Variants in GBF1 observed in about 807,000 individuals in gnomAD.
GBF1 encodes the protein Golgi-specific brefeldin A-resistance guanine nucleotide exchange factor 1.
GBF1 carries 114 observed loss-of-function variants against 210.5 expected under a neutral mutation model. The observed-to-expected ratio is 0.54, with a 90% confidence interval of 0.47 to 0.63. The LOEUF is 0.63. Ranked by LOEUF, GBF1 falls within the 30% of genes least tolerant of loss-of-function variation. The pLI is 0.00. For missense variants in GBF1, 1,851 were observed against 2,357.7 expected (o/e 0.79, Z 4.45); for synonymous variants, 850 against 889.2 (o/e 0.96, Z 0.78).
intron 3 of GBF1, among the ~76,000 whole-genome samples, chr10:102,261,277 T>C (rs77413186): frequency 0.054 from 8,159 of 150,656 alleles, 681 homozygotes; most frequent in African/African-American, 0.18. Flanking sequence ...TGTATATATA[T>C]ACACACACAC....
intron 3 of GBF1, among the ~76,000 whole-genome samples, chr10:102,294,521 ACAGG>A (rs2133728936): frequency 6.6e-6 from 1 of 151,840 alleles, no homozygotes; most frequent in South Asian, 2.1e-4. Flanking sequence ...AGATGGGACT[ACAGG>A]CGCCTGTCAC....
rs973861799 is a variant in GBF1, at chr10:102,319,261, A to G, written c.164-24790A>G. 5.9e-5 allele frequency among the ~76,000 whole-genome samples: 9 copies of G among 152,288 alleles called. No individual in the cohort carries two copies. The East Asian group carries it at 1.5e-3, about 26-fold the overall frequency. On this transcript the variant is annotated intron_variant, in intron 3 of 39. Coordinates refer to ENST00000369983, the MANE Select transcript of GBF1 (RefSeq NM_001377137.1). ...CATGAACCCGGGAGGCGGAGCTTGC[A>G]GTGAGCCGAGATCGCGCCACTGCAC...
In GBF1 at chr10:102,351,370, T is replaced by C. The variant is rs2058961084; in HGVS notation, c.410T>C (p.Leu137Pro). Reference protein sequence around the residue: ...ASDEVVLMKILQVLRTLLLTP... With the variant: ...ASDEVVLMKIPQVLRTLLLTP... ...GATGAAGTTGTCCTGATGAAAATCC[T>C]TCAGGTAAGCGAGAGGGAAATAGCA... Residue 137 changes from leucine (L) to proline (P), a missense_variant, in exon 5 of 40, where the codon CTT becomes CCT. By Grantham distance (98) the Leu-to-Pro change is moderately conservative (BLOSUM62 -3). This residue lies in a region of GBF1 where 804 missense variants were observed against 958.6 expected (regional missense o/e 0.84). Coordinates refer to ENST00000369983, the MANE Select transcript of GBF1 (RefSeq NM_001377137.1). The C allele has an allele frequency of 6.5e-7, 1 of 1,539,374 alleles. No homozygotes were observed. Among genetic ancestry groups the C allele is most frequent in the East Asian group, 2.2e-5 (1 of 44,554 alleles).
the GBF1 span, chr10:102,231,640 C>G: frequency 1.2e-5 from 20 of 1,612,332 alleles, no homozygotes; most frequent in African/African-American, 1.6e-4. Context: ...CTCGCGCGTG[C>G]TCATGTCGGG....
intron 3 of GBF1, among the ~76,000 whole-genome samples, chr10:102,274,699 A>ATTTTT (rs1174743189): frequency 0.019 from 1,328 of 71,686 alleles, 143 homozygotes; most frequent in African/African-American, 0.041. Context: ...CAAAACAAAG[A>ATTTTT]TTTTTTTTTT....
rs1031967717 is a variant in GBF1, at chr10:102,381,242, G to A, written c.5289G>A (p.Glu1763=). ...GHPPPPEIPS[E]LGACDFEKPE... ...CACCGCCCCCAGAGATTCCATCTGA[G>A]CTGGGGGCCTGTGGTGAGTCTCTCT... Residue 1763 remains glutamate (E), a synonymous_variant, in exon 39 of 40, where the codon GAG becomes GAA. Transcript: ENST00000369983. The A allele has an allele frequency of 6.2e-7, 1 of 1,613,736 alleles. No individual in the cohort carries two copies. Among genetic ancestry groups the A allele is most frequent in the African/African-American group, 1.3e-5 (1 of 74,940 alleles).
At chr10:102,369,810 G>C in intron 25 of GBF1, 35 bp downstream of exon 25, 1 of 1,614,120 alleles carries the variant, frequency 6.2e-7, no homozygotes, top group Non-Finnish European at 8.5e-7. Context: ...GGCTTGGGGA[G>C]GGAGAGTCAG....
chr10:102,274,699 A>ATT (rs1174743189), intron 3 of GBF1, among the ~76,000 whole-genome samples: 1,933 of 71,696 alleles, frequency 0.027, 257 homozygotes, highest in African/African-American at 0.08. Context: ...CAAAACAAAG[A>ATT]TTTTTTTTTT....
chr10:102,271,433 C>T (rs1409170907), intron 3 of GBF1, among the ~76,000 whole-genome samples: 1 of 152,144 alleles, frequency 6.6e-6, no homozygotes, highest in Non-Finnish European at 1.5e-5. Flanking sequence ...ATCCTCCCAC[C>T]TTAACCTCCC....
At chr10:102,273,288 C>T (rs556644322) in intron 3 of GBF1, among the ~76,000 whole-genome samples, 137 of 151,842 alleles carry the variant, frequency 9.0e-4, no homozygotes, top group Non-Finnish European at 1.3e-3. Context: ...GCCGAAGTCG[C>T]GCCACTGCAC....
At chr10:102,370,508 C>G (rs1259276123) in intron 28 of GBF1, 30 bp downstream of exon 28, 1 of 1,539,052 alleles carries the variant, frequency 6.5e-7, no homozygotes, top group Non-Finnish European at 9.0e-7. Flanking sequence ...TAGGCAGACC[C>G]CATGCTGGGC....
intron 3 of GBF1, among the ~76,000 whole-genome samples, chr10:102,294,726 A>G (rs1192335503): frequency 6.6e-6 from 1 of 152,064 alleles, no homozygotes; most frequent in African/African-American, 2.4e-5. Flanking sequence ...CTGTGTTTAG[A>G]TATACAAATC....
intron 3 of GBF1, among the ~76,000 whole-genome samples, chr10:102,287,738 G>C (rs1176544241): frequency 1.3e-5 from 2 of 152,170 alleles, no homozygotes; most frequent in Non-Finnish European, 2.9e-5. Flanking sequence ...GAGAGCAGAA[G>C]CCACACTTTG....
At chr10:102,257,045 C>T (rs1462672846) in intron 1 of GBF1, among the ~76,000 whole-genome samples, 2 of 152,118 alleles carry the variant, frequency 1.3e-5, no homozygotes, top group Non-Finnish European at 2.9e-5. Flanking sequence ...CTCAAAAAAA[C>T]CCCAAAAGAC....
rs143531666 is a variant in GBF1, at chr10:102,304,860, A to G, written c.164-39191A>G. 1.6e-4 allele frequency among the ~76,000 whole-genome samples: 25 copies of G among 152,146 alleles called. No homozygotes were observed. In the East Asian group the frequency reaches 4.8e-3, roughly 29 times the overall value. On this transcript the variant is annotated intron_variant, in intron 3 of 39. Coordinates refer to ENST00000369983, the MANE Select transcript of GBF1 (RefSeq NM_001377137.1). ...GTAGTAAGTAAATTTTTAAAATTTT[A>G]TACAAGCCGGGTGTGGTGGTGCAAG...
intron 3 of GBF1, among the ~76,000 whole-genome samples, chr10:102,299,097 C>T (rs990044479): frequency 4.6e-5 from 7 of 152,192 alleles, no homozygotes; most frequent in Non-Finnish European, 1.0e-4. Context: ...GGGCAGGTTG[C>T]ATAACCTTGC....
At chr10:102,322,035 T>G (rs917086280) in intron 3 of GBF1, among the ~76,000 whole-genome samples, 1 of 152,172 alleles carries the variant, frequency 6.6e-6, no homozygotes, top group Non-Finnish European at 1.5e-5. Context: ...ATTTTTTGTA[T>G]TTTTTGTAGA....
At chr10:102,370,150 C>G in intron 26 of GBF1, 24 bp from the exon 27 acceptor site, 1 of 1,583,420 alleles carries the variant, frequency 6.3e-7, no homozygotes, top group Non-Finnish European at 8.7e-7. Flanking sequence ...GTCAAAGACC[C>G]CCTCTCTCTT....
At chr10:102,372,924 T>A (rs1479937035) in intron 29 of GBF1, among the ~76,000 whole-genome samples, 1 of 152,188 alleles carries the variant, frequency 6.6e-6, no homozygotes, top group Non-Finnish European at 1.5e-5. Flanking sequence ...ATGGAACAGA[T>A]CCGGGGGAGA....
Sources: gnomAD v4.1 joint callset for allele counts (sites outside exome capture counted in the v4.1 genomes callset) on GRCh38, gnomAD v4.1.1 for gene constraint, gnomAD v4.1.1 regional missense constraint, MANE v1.5 for transcripts, NCBI Gene and HGNC (gene_info 2026-07-23, HGNC 2026-07-21) for gene names.